The following TRMT11 variants were observed in gnomAD, a reference collection of about 807,000 sequenced individuals.
TRMT11 encodes tRNA methyltransferase 11, also known as tRNA (guanine(10)-N(2))-methyltransferase TRMT11.
Under a neutral mutation model 62.8 loss-of-function variants are expected in TRMT11, and 53 were observed. The observed-to-expected ratio is 0.84, with a 90% CI of 0.68 to 1.06. The LOEUF is 1.06. Among genes scored for constraint, TRMT11 ranks in the 50% least tolerant of loss-of-function variants. TRMT11 has a pLI of 0.00. For missense variants in TRMT11, 556 were observed against 553.4 expected, an observed-to-expected ratio of 1.00 and a Z score of -0.05; for synonymous variants, 188 against 190.3, an observed-to-expected ratio of 0.99 and a Z score of 0.10.
At chr6:126,173,367 A>T (rs975515776), upstream of TRMT11, among the ~76,000 whole-genome samples, 1 of 152,114 alleles carries the variant, frequency 6.6e-6, no homozygotes, top group Non-Finnish European at 1.5e-5. Context: ...TATAAATTAC[A>T]ATTCTGGCCC....
intron 21 of TRMT11, among the ~76,000 whole-genome samples, chr6:126,118,777 C>T (rs973694469): frequency 1.3e-5 from 2 of 151,974 alleles, no homozygotes; most frequent in African/African-American, 2.4e-5. Flanking sequence ...CTATTAAGAA[C>T]TTACCAAGTG....
upstream of TRMT11, among the ~76,000 whole-genome samples, chr6:126,173,387 C>T (rs1279951866): frequency 8.5e-5 from 13 of 152,160 alleles, no homozygotes; most frequent in Admixed American, 8.5e-4. Flanking sequence ...CTCATTCACC[C>T]TCACATAGCT....
the TRMT11 span, among the ~76,000 whole-genome samples, chr6:126,242,205 T>C: frequency 6.6e-6 from 1 of 151,978 alleles, no homozygotes; most frequent in African/African-American, 2.4e-5. Context: ...GAAAATAAAA[T>C]ACCTAGGAAT....
Position 126,038,961 on chromosome 6 carries a change from A to T in TRMT11, c.*125A>T. The T allele has an allele frequency of 1.2e-6, 1 of 804,896 alleles. No individual in the cohort carries two copies. The highest frequency in any genetic ancestry group is 1.8e-6 in the Non-Finnish European group (1 of 540,712). The allele number at this position is 804,896 out of a possible 1,614,324, so 49.9% of individuals were successfully genotyped here. On this transcript the variant is annotated 3_prime_UTR_variant, in exon 13 of 13. Transcript: ENST00000334379. The stretch of plus-strand genomic sequence containing the variant: ...AAAATATTTTATATAGAAAAGCTAC[A>T]AAGTAAATTGAGCAATGCTTTTAAA...
chr6:126,028,931 GT>G (rs1476744800), intron 12 of TRMT11, among the ~76,000 whole-genome samples: 5 of 152,118 alleles, frequency 3.3e-5, no homozygotes, highest in African/African-American at 1.2e-4. Context: ...CAGTAAAACA[GT>G]TTTTAAAGTA....
At chr6:126,075,622 CTCTTT>C (rs1777000266) in intron 17 of TRMT11, among the ~76,000 whole-genome samples, 1 of 152,090 alleles carries the variant, frequency 6.6e-6, no homozygotes, top group Non-Finnish European at 1.5e-5. Flanking sequence ...CCAATTAAAC[CTCTTT>C]TCTTTATAAA....
At chr6:126,269,321 A>C in the TRMT11 span, among the ~76,000 whole-genome samples, 1 of 151,714 alleles carries the variant, frequency 6.6e-6, no homozygotes, top group Non-Finnish European at 1.5e-5. Context: ...ATTAAAGAAA[A>C]AAATATTTTC....
At chr6:126,271,609 C>T in the TRMT11 span, among the ~76,000 whole-genome samples, 7 of 151,836 alleles carry the variant, frequency 4.6e-5, no homozygotes, top group South Asian at 4.1e-4. Context: ...GCCATATTTA[C>T]ATCTGTCTAA....
the TRMT11 span, among the ~76,000 whole-genome samples, chr6:126,272,091 G>T: frequency 2.0e-5 from 3 of 152,220 alleles, no homozygotes; most frequent in South Asian, 6.2e-4. Flanking sequence ...TATTATTATA[G>T]AATATGGATT....
the TRMT11 span, among the ~76,000 whole-genome samples, chr6:126,228,624 C>T: frequency 6.6e-6 from 1 of 152,184 alleles, no homozygotes; most frequent in South Asian, 2.1e-4. Context: ...GGAACCCCCT[C>T]CACAGGCTGT....
intron 21 of TRMT11, among the ~76,000 whole-genome samples, chr6:126,160,986 C>T (rs575626428): frequency 2.6e-5 from 4 of 152,210 alleles, no homozygotes; most frequent in East Asian, 3.9e-4. Flanking sequence ...AAGTACAAAT[C>T]GGGGTGAGTC....
chr6:126,155,093 G>T (rs1010021821), intron 21 of TRMT11, among the ~76,000 whole-genome samples: 2 of 152,170 alleles, frequency 1.3e-5, no homozygotes, highest in African/African-American at 2.4e-5. Context: ...AAAAAGAAAA[G>T]ATATTTAATT....
intron 12 of TRMT11, among the ~76,000 whole-genome samples, chr6:126,033,237 A>G (rs2128052452): frequency 6.6e-6 from 1 of 152,178 alleles, no homozygotes; most frequent in East Asian, 1.9e-4. Context: ...AGTTTGAGAA[A>G]CTTTTTTTAT....
the TRMT11 span, among the ~76,000 whole-genome samples, chr6:126,220,076 A>C: frequency 9.9e-5 from 15 of 152,184 alleles, no homozygotes; most frequent in African/African-American, 3.6e-4. Context: ...TCATCTTGAC[A>C]CATGCTTCTG....
chr6:126,114,107 T>C (rs1255308436), intron 18 of TRMT11, among the ~76,000 whole-genome samples: 1 of 152,128 alleles, frequency 6.6e-6, no homozygotes, highest in East Asian at 1.9e-4. Flanking sequence ...CATGTCATGA[T>C]GAAGGCATTG....
intron 17 of TRMT11, among the ~76,000 whole-genome samples, chr6:126,105,810 T>A (rs1053342724): frequency 5.9e-5 from 9 of 152,186 alleles, no homozygotes; most frequent in Non-Finnish European, 1.2e-4. Context: ...CTCCTGATTC[T>A]TGTCTGTGAG....
chr6:126,060,923 G>A (rs538201257), intron 17 of TRMT11, among the ~76,000 whole-genome samples: 1 of 152,294 alleles, frequency 6.6e-6, no homozygotes, highest in African/African-American at 2.4e-5. Flanking sequence ...GGGATCACTG[G>A]CATGAGTGAA....
chr6:126,148,664 A>G (rs1391224902), intron 21 of TRMT11, among the ~76,000 whole-genome samples: 3 of 152,162 alleles, frequency 2.0e-5, no homozygotes, highest in Non-Finnish European at 4.4e-5. Context: ...TAAGACTAAT[A>G]ATAGTATTAT....
chr6:126,027,347 A>G (rs113105220), intron 12 of TRMT11, among the ~76,000 whole-genome samples: 1 of 152,198 alleles, frequency 6.6e-6, no homozygotes, highest in South Asian at 2.1e-4. Flanking sequence ...GAACAGATGA[A>G]AAGAGCACCC....
Sources: allele counts gnomAD v4.1 joint callset (sites outside exome capture counted in the v4.1 genomes callset), GRCh38; gene constraint gnomAD v4.1.1; transcripts MANE v1.5; gene names NCBI Gene and HGNC (gene_info 2026-07-23, HGNC 2026-07-21).